The following FOCAD variants were observed in gnomAD, a reference collection of about 807,000 sequenced individuals.
The protein encoded by FOCAD is focadhesin.
FOCAD carries 198 observed loss-of-function variants against 225.6 expected under a neutral mutation model. That is an observed-to-expected ratio of 0.88 (90% CI 0.78 to 0.99). The LOEUF (loss-of-function observed/expected upper bound fraction) is 0.99. FOCAD is among the 50% of genes least tolerant of loss of function. The pLI is 0.00. For missense variants in FOCAD, 2,713 were observed against 2,123.6 expected, an observed-to-expected ratio of 1.28 and a Z score of -5.46; for synonymous variants, 897 against 755.0, an observed-to-expected ratio of 1.19 and a Z score of -3.08.
chr9:20,808,551 A>C (rs1315134228), intron 11 of FOCAD, among the ~76,000 whole-genome samples: 3 of 152,252 alleles, frequency 2.0e-5, no homozygotes, highest in African/African-American at 7.2e-5. Context: ...TATGGGTGTG[A>C]ATATTTTCTG....
chr9:20,951,610 A>C lies in FOCAD; in HGVS notation c.4051+512A>C, dbSNP rs562465537. 2.6e-5 allele frequency among the ~76,000 whole-genome samples: 4 copies of C among 152,298 alleles called. No homozygotes were observed. The South Asian group carries it at 8.3e-4, about 32-fold the overall frequency. On this transcript the variant is annotated intron_variant, in intron 34 of 43. Coordinates refer to ENST00000338382, the MANE Select transcript of FOCAD (RefSeq NM_001375567.1). ...TTCTGGCCTCCGATTTTGAAAAAAT[A>C]ATGGGGTAGTACATTTAAAGGTGTG...
rs367931773 is a variant in FOCAD, at chr9:20,724,692, T to G, written c.287+4158T>G. On this transcript the variant is annotated intron_variant, in intron 4 of 43. Coordinates refer to ENST00000338382, the MANE Select transcript of FOCAD (RefSeq NM_001375567.1). ...TTTCAAGTAGCAGAACTTTGCGGTG[T>G]GTAGTGAATACGAAGACTATACTTT... 1.1e-4 allele frequency among the ~76,000 whole-genome samples: 16 copies of G among 152,188 alleles called. No homozygotes were observed. The East Asian group carries it at 2.7e-3, about 26-fold the overall frequency.
intron 40 of FOCAD, among the ~76,000 whole-genome samples, chr9:20,987,226 TA>T (rs1841262968): frequency 6.6e-6 from 1 of 152,194 alleles, no homozygotes; most frequent in Non-Finnish European, 1.5e-5. Flanking sequence ...AACACGATTG[TA>T]ATACTCTGCA....
At chr9:20,697,856 A>G (rs984250920) in intron 1 of FOCAD, among the ~76,000 whole-genome samples, 4 of 152,262 alleles carry the variant, frequency 2.6e-5, no homozygotes, top group Admixed American at 6.5e-5. Context: ...TGTTTTTCTC[A>G]GGTGCAGATG....
At chr9:20,745,194 C>G (rs989809830) in intron 5 of FOCAD, among the ~76,000 whole-genome samples, 2 of 151,978 alleles carry the variant, frequency 1.3e-5, no homozygotes, top group African/African-American at 4.8e-5. Context: ...ACTGCAACCT[C>G]TGCCTCCCAG....
chr9:20,824,625 C>T (rs1175953940), intron 15 of FOCAD, among the ~76,000 whole-genome samples: 1 of 151,996 alleles, frequency 6.6e-6, no homozygotes, highest in South Asian at 2.1e-4. Context: ...TTTTTAGGCA[C>T]TAGTGTACAT....
intron 1 of FOCAD, among the ~76,000 whole-genome samples, chr9:20,702,568 T>A (rs1284882504): frequency 6.6e-6 from 1 of 152,252 alleles, no homozygotes. Context: ...GTTTTTCATA[T>A]GAAGATAAAG....
chr9:20,873,683 A>C (rs191439845), intron 18 of FOCAD, among the ~76,000 whole-genome samples: 25 of 147,570 alleles, frequency 1.7e-4, no homozygotes, highest in African/African-American at 5.6e-4. Flanking sequence ...TGACATTATT[A>C]TTCTTAAGAG....
At chr9:20,889,583 T>C (rs1298578231) in intron 21 of FOCAD, among the ~76,000 whole-genome samples, 1 of 152,218 alleles carries the variant, frequency 6.6e-6, no homozygotes, top group African/African-American at 2.4e-5. Context: ...CTCACTTTTG[T>C]TCCATTGAGA....
At chr9:20,964,334 C>A (rs1005748926) in intron 35 of FOCAD, among the ~76,000 whole-genome samples, 3 of 151,994 alleles carry the variant, frequency 2.0e-5, no homozygotes, top group African/African-American at 7.3e-5. Flanking sequence ...CACTTACTTG[C>A]AGTGAACCAA....
intron 41 of FOCAD, among the ~76,000 whole-genome samples, chr9:20,988,912 C>T (rs1264046975): frequency 6.6e-6 from 1 of 152,036 alleles, no homozygotes; most frequent in Non-Finnish European, 1.5e-5. Flanking sequence ...TTATGTGTGC[C>T]AATACTTATG....
intron 22 of FOCAD, among the ~76,000 whole-genome samples, chr9:20,907,465 G>A (rs1276984535): frequency 6.6e-6 from 1 of 151,922 alleles, no homozygotes; most frequent in Non-Finnish European, 1.5e-5. Flanking sequence ...ACTCCCTCTT[G>A]AGTGCCAGTC....
rs369821901 is a variant in FOCAD, at chr9:20,764,996, C to T, written c.622C>T (p.Leu208Phe). The change falls in exon 7 of 44, where the codon CTT becomes TTT. Residue 208 changes from leucine to phenylalanine, a missense_variant. Leu to Phe is a conservative substitution (Grantham distance 22, BLOSUM62 0). Coordinates refer to ENST00000338382, the MANE Select transcript of FOCAD (RefSeq NM_001375567.1). ...LLKVLLQPQV[L>F]CDKDQPSILE... Reference sequence around the variant, plus strand: ...GAAAGTCTTACTTCAACCCCAGGTTCTTTGTGACAAAGATCAACCATCAAT... The same window carrying T: ...GAAAGTCTTACTTCAACCCCAGGTTTTTTGTGACAAAGATCAACCATCAAT... 6.2e-7 allele frequency: 1 copy of T among 1,613,962 alleles called. No individual in the cohort carries two copies. The highest frequency in any genetic ancestry group is 1.3e-5 in the African/African-American group (1 of 74,932).
chr9:20,960,277 A>G (rs1303219698), intron 35 of FOCAD, among the ~76,000 whole-genome samples: 2 of 152,198 alleles, frequency 1.3e-5, no homozygotes, highest in African/African-American at 4.8e-5. Flanking sequence ...TTGGTAGAGT[A>G]TGACAGACGT....
intron 5 of FOCAD, among the ~76,000 whole-genome samples, chr9:20,752,463 A>G (rs1828651569): frequency 6.6e-6 from 1 of 152,142 alleles, no homozygotes; most frequent in Non-Finnish European, 1.5e-5. Context: ...AAGATCAGAT[A>G]GTTGTAGATA....
At chr9:20,816,620 T>C (rs1823753745) in intron 11 of FOCAD, among the ~76,000 whole-genome samples, 1 of 152,110 alleles carries the variant, frequency 6.6e-6, no homozygotes, top group South Asian at 2.1e-4. Context: ...GTTAAGAGGA[T>C]ATTTTTTCCT....
In FOCAD at chr9:20,949,666, C is replaced by G. The variant is rs1220802156; in HGVS notation, c.3939C>G (p.Thr1313=). The change falls in exon 33 of 44, where the codon ACC becomes ACG. Residue 1313 remains threonine, a synonymous_variant. Coordinates refer to ENST00000338382, the MANE Select transcript of FOCAD (RefSeq NM_001375567.1). ...FQGRLNEVIR[T]LTQVISVSGV... is the part of the protein sequence containing the mutation. ...GCAGACTTAATGAAGTCATTAGAAC[C>G]TTAACTCAGGTGAGAAAATGAATTT... 6.2e-7 allele frequency: 1 copy of G among 1,612,230 alleles called. No homozygotes were observed.
intron 24 of FOCAD, among the ~76,000 whole-genome samples, chr9:20,917,661 AAC>A (rs1345090137): frequency 6.6e-6 from 1 of 152,032 alleles, no homozygotes; most frequent in Non-Finnish European, 1.5e-5. Flanking sequence ...GCCTCCAACC[AAC>A]ACAGATATAC....
chr9:20,915,911 G>T (rs1833829351), intron 23 of FOCAD, among the ~76,000 whole-genome samples: 1 of 152,032 alleles, frequency 6.6e-6, no homozygotes, highest in African/African-American at 2.4e-5. Flanking sequence ...ACATTGAATG[G>T]ACTATATTCC....
Sources: allele counts gnomAD v4.1 joint callset (sites outside exome capture counted in the v4.1 genomes callset), GRCh38; gene constraint gnomAD v4.1.1; transcripts MANE v1.5; gene names NCBI Gene and HGNC (gene_info 2026-07-23, HGNC 2026-07-21).